The following SKOR2 variants were observed in gnomAD, a reference collection of about 807,000 sequenced individuals.
The protein encoded by SKOR2 is SKI family transcriptional corepressor 2.
A neutral mutation model predicts 69.1 loss-of-function variants in SKOR2; 47 were observed. That is an observed-to-expected ratio of 0.68 (90% CI 0.54 to 0.87). The LOEUF (loss-of-function observed/expected upper bound fraction) is 0.87, where lower values mean the gene tolerates loss of function less well. Among genes scored for constraint, SKOR2 ranks in the 40% least tolerant of loss-of-function variants. The pLI, the probability that SKOR2 is intolerant of heterozygous loss-of-function variation, is 0.00. For synonymous variants in SKOR2, 717 were observed against 672.6 expected, an observed-to-expected ratio of 1.07 and a Z score of -1.02; for missense variants, 1,404 against 1,472.2, an observed-to-expected ratio of 0.95 and a Z score of 0.76.
At position 47,238,305 on chromosome 18, in the gene SKOR2, T is replaced by TTTTTC. The variant is rs1446610912; in HGVS notation, c.2752+6598_2752+6602dup. On this transcript the variant is annotated intron_variant, in intron 4 of 8. Transcript: ENST00000425639. Reference sequence around the variant, plus strand: ...TCACAGGTAAATTTAGTAAATAATTTTTTTCTTTTCTTTTCTTTTTTTTTT... The same window carrying TTTTTC: ...TCACAGGTAAATTTAGTAAATAATTTTTTTCTTTTCTTTTCTTTTCTTTTTTTTTT... 6.7e-4 allele frequency among the ~76,000 whole-genome samples: 100 copies of TTTTTC among 148,906 alleles called. 1 individual carries two copies. The highest frequency in any genetic ancestry group is 3.4e-3 in the Middle Eastern group (1 of 292).
At chr18:47,245,093 T>G in intron 3 of SKOR2, 111 bp from the exon 4 acceptor site, 3 of 814,478 alleles carry the variant, frequency 3.7e-6, no homozygotes, top group Non-Finnish European at 5.7e-6. Flanking sequence ...ATATCTAAGT[T>G]TGAGAGCTAT....
At chr18:47,236,492 C>T (rs2064224210) in intron 4 of SKOR2, among the ~76,000 whole-genome samples, 1 of 152,164 alleles carries the variant, frequency 6.6e-6, no homozygotes, top group Non-Finnish European at 1.5e-5. Context: ...AATCCTAACC[C>T]CCAAGGTGGT....
intron 4 of SKOR2, among the ~76,000 whole-genome samples, chr18:47,237,697 T>G (rs2144504103): frequency 7.4e-6 from 1 of 134,898 alleles, no homozygotes; most frequent in African/African-American, 2.7e-5. Context: ...TCTTTTCTTT[T>G]TCTTTTTTTT....
intron 6 of SKOR2, among the ~76,000 whole-genome samples, chr18:47,222,520 G>C (rs1056005905): frequency 6.6e-6 from 1 of 152,134 alleles, no homozygotes; most frequent in African/African-American, 2.4e-5. Flanking sequence ...AAGGGTACAG[G>C]GCAACAGGGG....
intron 8 of SKOR2, among the ~76,000 whole-genome samples, chr18:47,207,807 C>T (rs959418058): frequency 6.6e-6 from 1 of 152,020 alleles, no homozygotes; most frequent in Non-Finnish European, 1.5e-5. Flanking sequence ...AATGAGTTTA[C>T]CAAAGAGGTA....
At chr18:47,213,341 T>C (rs747141569) in intron 7 of SKOR2, among the ~76,000 whole-genome samples, 90 of 149,148 alleles carry the variant, frequency 6.0e-4, no homozygotes, top group Admixed American at 8.7e-4. Flanking sequence ...AAAATCACTT[T>C]CATTCAATTA....
chr18:47,210,453 T>A (rs990752024), intron 8 of SKOR2, among the ~76,000 whole-genome samples: 1 of 152,208 alleles, frequency 6.6e-6, no homozygotes, highest in Non-Finnish European at 1.5e-5. Context: ...AGAAGGTTAT[T>A]TTTAAAAACA....
At chr18:47,221,506 C>A (rs2064161342) in intron 6 of SKOR2, among the ~76,000 whole-genome samples, 1 of 152,212 alleles carries the variant, frequency 6.6e-6, no homozygotes. Flanking sequence ...CCAAACCACT[C>A]TCCAGTCCTC....
At chr18:47,240,647 G>A (rs543729761) in intron 4 of SKOR2, among the ~76,000 whole-genome samples, 11 of 152,268 alleles carry the variant, frequency 7.2e-5, no homozygotes, top group African/African-American at 2.6e-4. Flanking sequence ...TTAATGAAAA[G>A]TAATAGTTAC....
intron 7 of SKOR2, among the ~76,000 whole-genome samples, chr18:47,214,317 CA>C (rs1159996854): frequency 2.0e-5 from 3 of 151,332 alleles, no homozygotes; most frequent in Non-Finnish European, 4.4e-5. Context: ...AAAAGAAAAG[CA>C]AAAAAAGGAC....
Position 47,249,009 on chromosome 18 carries a change from G to T in SKOR2, c.175C>A (p.Gln59Lys). The change falls in exon 2 of 9, where the codon CAA (glutamine) becomes AAA (lysine). Residue 59 changes from glutamine to lysine, a missense_variant. Coordinates refer to ENST00000425639, the MANE Select transcript of SKOR2 (RefSeq NM_001278063.4). ...ATCTGCGCCAGGCACAGGCGCTCTTGCCCGTCGATCACCAACGACACGATG... is the reference window on the plus strand; with the variant it reads ...ATCTGCGCCAGGCACAGGCGCTCTTTCCCGTCGATCACCAACGACACGATG... ...IPIVSLVIDGQERLCLAQISN... is the reference protein window; with the variant it reads ...IPIVSLVIDGKERLCLAQISN... 6.5e-7 allele frequency: 1 copy of T among 1,548,660 alleles called. No individual in the cohort carries two copies. The highest frequency in any genetic ancestry group is 1.2e-5 in the South Asian group (1 of 84,810).
In SKOR2 at chr18:47,248,755, G is replaced by T; in HGVS notation, c.429C>A (p.Phe143Leu). 1 of 1,551,124 alleles carries T rather than the reference G, an allele frequency of 6.4e-7. No individual in the cohort carries two copies. The highest frequency in any genetic ancestry group is 8.7e-7 in the Non-Finnish European group (1 of 1,154,948). ...CGCACTCGTGTGACACGTCGAAGGC[G>T]AAATTGTCTGGCAGCTTGGGCGGCC... ...ENRPPKLPDN[F>L]AFDVSHECAW... Residue 143 changes from phenylalanine (F) to leucine (L), a missense_variant, in exon 2 of 9, where the codon TTC (phenylalanine) becomes TTA (leucine). Transcript: ENST00000425639. This position sits in a 1 kb window ranked among gnomAD's most constrained non-coding sequence, Gnocchi z 6.4.
chr18:47,213,674 C>T (rs1273469067), intron 7 of SKOR2, among the ~76,000 whole-genome samples: 1 of 151,828 alleles, frequency 6.6e-6, no homozygotes, highest in Non-Finnish European at 1.5e-5. Context: ...GTCAGATAGG[C>T]ATATATCTGA....
chr18:47,247,859 G>A lies in SKOR2; in HGVS notation c.1325C>T (p.Ala442Val). The change falls in exon 2 of 9, where the codon GCG (alanine) becomes GTG (valine). Residue 442 changes from alanine (A) to valine (V), a missense_variant. This residue lies in a region of SKOR2 where 1,266 missense variants were observed against 1,309.9 expected (regional missense o/e 0.97). Coordinates refer to ENST00000425639, the MANE Select transcript of SKOR2 (RefSeq NM_001278063.4). The surrounding 1 kb of genome is among the most constrained non-coding windows in gnomAD (Gnocchi z 6.6). ...CAAGCCGGCCTTGGGCGCCGCGCCC[G>A]CGCCGCCTGCGCCCGCGCCCCCCAG... ...EALGGAGAGG[A>V]GAAPKAGLSG... 2 of 1,358,478 alleles carry A rather than the reference G, an allele frequency of 1.5e-6. No individual in the cohort carries two copies. Among genetic ancestry groups the A allele is most frequent in the Non-Finnish European group, 9.4e-7 (1 of 1,065,798 alleles). The allele number at this position is 1,358,478 out of a possible 1,614,324, so 84.2% of individuals were successfully genotyped here.
intron 4 of SKOR2, among the ~76,000 whole-genome samples, chr18:47,232,832 C>G (rs2684815): frequency 0.096 from 14,556 of 152,192 alleles, 809 homozygotes; most frequent in East Asian, 0.14. Flanking sequence ...TTTCCCTCAG[C>G]AAAAACCAAA....
chr18:47,242,122 A>G (rs1512236), intron 4 of SKOR2, among the ~76,000 whole-genome samples: 98,755 of 151,872 alleles, frequency 0.65, 32,999 homozygotes, highest in African/African-American at 0.82. Flanking sequence ...TATCATTCTT[A>G]AGGTTCTGAT....
In SKOR2 at chr18:47,246,654, G is replaced by T. The variant is rs1452503501; in HGVS notation, c.2530C>A (p.Gln844Lys). 4.6e-6 allele frequency: 7 copies of T among 1,507,358 alleles called. No individual in the cohort carries two copies. The highest frequency in any genetic ancestry group is 6.2e-6 in the Non-Finnish European group (7 of 1,136,354). The allele number at this position is 1,507,358 out of a possible 1,614,324, so 93.4% of individuals were successfully genotyped here. A position where few individuals can be genotyped will look rare whatever the true frequency, so the allele number is the denominator to read the frequency against. The stretch of plus-strand genomic sequence containing the variant: ...CTGCTGCCGCCGCCACTCGCCTTCT[G>T]GGGGGCCAGGGGCGGCGGCGGGGGC... ...PPPPPPPLAP[Q>K]KASGGGSSSP... The change falls in exon 2 of 9, where the codon CAG (glutamine) becomes AAG (lysine). Residue 844 changes from glutamine to lysine, a missense_variant. Gln to Lys is a moderately conservative substitution (Grantham distance 53). Around this residue, in one of 3 missense-constraint regions of SKOR2, gnomAD observed 1,266 missense variants for 1,309.9 expected, o/e 0.97. Coordinates refer to ENST00000425639, the MANE Select transcript of SKOR2 (RefSeq NM_001278063.4).
chr18:47,219,129 C>T (rs1360256001), intron 7 of SKOR2, among the ~76,000 whole-genome samples: 1 of 152,188 alleles, frequency 6.6e-6, no homozygotes, highest in Non-Finnish European at 1.5e-5. Context: ...ACAGAAATGT[C>T]AAGAAACCCA....
Position 47,247,069 on chromosome 18 carries a change from GGGCGGCGGGGGCGGCGGCGGC to G in SKOR2, c.2094_2114del (p.Pro700_Pro706del). 1.4e-6 allele frequency: 2 copies of G among 1,390,994 alleles called. No individual in the cohort carries two copies. Among genetic ancestry groups the G allele is most frequent in the South Asian group, 1.6e-5 (1 of 61,288 alleles). The allele number at this position is 1,390,994 out of a possible 1,614,324, so 86.2% of individuals were successfully genotyped here. On this transcript the variant is annotated inframe_deletion, in exon 2 of 9. Coordinates refer to ENST00000425639, the MANE Select transcript of SKOR2 (RefSeq NM_001278063.4). The surrounding 1 kb of genome is among the most constrained non-coding windows in gnomAD (Gnocchi z 6.6). ...GGTGGTGCGGGTGCTGGGCCAGAGG[GGGCGGCGGGGGCGGCGGCGGC>G]GGCGGCGGCGGGGCCGGGTGGTGGC...
Sources: allele counts gnomAD v4.1 joint callset (sites outside exome capture counted in the v4.1 genomes callset), GRCh38; gene constraint gnomAD v4.1.1; regional missense constraint gnomAD v4.1.1; non-coding constraint Gnocchi (gnomAD v3.1); transcripts MANE v1.5; gene names NCBI Gene and HGNC (gene_info 2026-07-23, HGNC 2026-07-21).